The following MAF variants were observed in gnomAD, a reference collection of about 807,000 sequenced individuals.
MAF encodes the protein MAF bZIP transcription factor, also known as transcription factor Maf.
MAF carries 10 observed loss-of-function variants against 22.0 expected under a neutral mutation model. That is an observed-to-expected ratio of 0.45 (90% CI 0.28 to 0.77). The LOEUF (loss-of-function observed/expected upper bound fraction) is 0.77. Among genes scored for constraint, MAF ranks in the 30% least tolerant of loss-of-function variants. The pLI is 0.12. For missense variants in MAF, 544 were observed against 548.4 expected, an observed-to-expected ratio of 0.99 and a Z score of 0.08; for synonymous variants, 337 against 255.8, an observed-to-expected ratio of 1.32 and a Z score of -3.03.
the MAF span, among the ~76,000 whole-genome samples, chr16:79,527,621 G>A: frequency 6.6e-6 from 1 of 152,044 alleles, no homozygotes; most frequent in African/African-American, 2.4e-5. Context: ...AATCATTAAG[G>A]TGATGATACA....
the MAF span, among the ~76,000 whole-genome samples, chr16:79,309,540 C>T: frequency 2.6e-5 from 4 of 152,160 alleles, no homozygotes; most frequent in Non-Finnish European, 4.4e-5. Flanking sequence ...TTACAGAGCA[C>T]GAATATTTTA....
At chr16:79,583,082 G>A (rs1212966515), downstream of MAF, among the ~76,000 whole-genome samples, 1 of 152,190 alleles carries the variant, frequency 6.6e-6, no homozygotes, top group Non-Finnish European at 1.5e-5. Flanking sequence ...TTTGAAAGAA[G>A]TAGCTATACA....
the MAF span, among the ~76,000 whole-genome samples, chr16:79,568,252 G>A: frequency 2.6e-5 from 4 of 152,178 alleles, no homozygotes; most frequent in African/African-American, 9.7e-5. Flanking sequence ...TGGCAGGGAT[G>A]GGTGTCTGTG....
the MAF span, among the ~76,000 whole-genome samples, chr16:79,309,770 G>A: frequency 6.6e-6 from 1 of 152,176 alleles, no homozygotes; most frequent in African/African-American, 2.4e-5. Context: ...GGCATGTGAT[G>A]CAGATGGCTC....
At chr16:79,437,652 G>A in the MAF span, among the ~76,000 whole-genome samples, 1 of 151,992 alleles carries the variant, frequency 6.6e-6, no homozygotes, top group Non-Finnish European at 1.5e-5. Context: ...CGGTCACCCA[G>A]CTTCACCGTG....
chr16:79,227,869 A>G, the MAF span, among the ~76,000 whole-genome samples: 3 of 152,140 alleles, frequency 2.0e-5, no homozygotes, highest in Admixed American at 1.3e-4. Flanking sequence ...CTGGGTGTAG[A>G]CCACAACTTC....
the MAF span, among the ~76,000 whole-genome samples, chr16:79,331,748 T>C: frequency 6.6e-6 from 1 of 152,150 alleles, no homozygotes; most frequent in Non-Finnish European, 1.5e-5. Flanking sequence ...CCTGGCCTCC[T>C]TTCTGCCCCC....
chr16:79,483,791 C>T, the MAF span, among the ~76,000 whole-genome samples: 1 of 152,038 alleles, frequency 6.6e-6, no homozygotes, highest in Non-Finnish European at 1.5e-5. Context: ...ATCTTTGAGA[C>T]CCTGAGAAAG....
the MAF span, among the ~76,000 whole-genome samples, chr16:79,524,120 T>G: frequency 8.4e-4 from 128 of 152,314 alleles, no homozygotes; most frequent in Non-Finnish European, 1.5e-3. Flanking sequence ...GGCATCCAAC[T>G]GCGCCCATCA....
the MAF span, among the ~76,000 whole-genome samples, chr16:79,265,563 C>T: frequency 2.0e-5 from 3 of 152,230 alleles, no homozygotes; most frequent in African/African-American, 4.8e-5. Context: ...CCTTGACATA[C>T]GTACCTATGA....
chr16:79,379,258 A>G, the MAF span, among the ~76,000 whole-genome samples: 1 of 152,100 alleles, frequency 6.6e-6, no homozygotes, highest in Admixed American at 6.6e-5. Flanking sequence ...GTTGAAAAGA[A>G]CTCTGAGTGT....
At chr16:79,229,863 C>G in the MAF span, among the ~76,000 whole-genome samples, 1 of 152,014 alleles carries the variant, frequency 6.6e-6, no homozygotes, top group Non-Finnish European at 1.5e-5. Context: ...CTGATTTCTG[C>G]GGCTCTGAGC....
chr16:79,596,654 A>G (rs1597843880), intron 1 of MAF: 1 of 1,037,914 alleles, frequency 9.6e-7, no homozygotes, highest in Non-Finnish European at 1.2e-6. Flanking sequence ...ATTTTTTTAT[A>G]TTTATTGTGG....
At chr16:79,421,630 G>T in the MAF span, among the ~76,000 whole-genome samples, 9 of 128,284 alleles carry the variant, frequency 7.0e-5, no homozygotes, top group Admixed American at 5.8e-4. Context: ...AGTAAATGAA[G>T]AAAAGTGATT....
chr16:79,359,979 G>C, the MAF span, among the ~76,000 whole-genome samples: 1 of 152,146 alleles, frequency 6.6e-6, no homozygotes, highest in South Asian at 2.1e-4. Flanking sequence ...TCTTGGCATG[G>C]GGAGTATTGT....
chr16:79,455,390 A>C, the MAF span, among the ~76,000 whole-genome samples: 1 of 152,204 alleles, frequency 6.6e-6, no homozygotes, highest in African/African-American at 2.4e-5. Context: ...CTGAATAAAA[A>C]ATGAACTGAA....
At chr16:79,324,861 C>T in the MAF span, among the ~76,000 whole-genome samples, 1 of 152,178 alleles carries the variant, frequency 6.6e-6, no homozygotes, top group Non-Finnish European at 1.5e-5. Flanking sequence ...AGTCCTTAAG[C>T]AAGGTGTCAG....
chr16:79,511,821 T>G, the MAF span, among the ~76,000 whole-genome samples: 2 of 152,180 alleles, frequency 1.3e-5, no homozygotes, highest in East Asian at 3.9e-4. Context: ...AGAACCAACA[T>G]TGGAATTCAT....
chr16:79,230,356 T>C, the MAF span, among the ~76,000 whole-genome samples: 105 of 152,256 alleles, frequency 6.9e-4, no homozygotes, highest in South Asian at 0.02. Flanking sequence ...TAGAGGGAAC[T>C]GAGCAAGAAG....
Sources: allele counts gnomAD v4.1 joint callset (sites outside exome capture counted in the v4.1 genomes callset), GRCh38; gene constraint gnomAD v4.1.1; transcripts MANE v1.5; gene names NCBI Gene and HGNC (gene_info 2026-07-23, HGNC 2026-07-21).